Variants in THSD4 observed in about 807,000 individuals in gnomAD.
THSD4 encodes thrombospondin type 1 domain containing 4.
THSD4 carries 69 observed loss-of-function variants against 119.0 expected under a neutral mutation model. The observed-to-expected ratio is 0.58, with a 90% CI of 0.48 to 0.71. The LOEUF (loss-of-function observed/expected upper bound fraction) is 0.71. Ranked by LOEUF, THSD4 falls within the 30% of genes least tolerant of loss-of-function variation. The pLI is 0.00. For synonymous variants in THSD4, 524 were observed against 540.4 expected (o/e 0.97, Z 0.42); for missense variants, 1,393 against 1,391.1 (o/e 1.00, Z -0.02).
intron 7 of THSD4, among the ~76,000 whole-genome samples, chr15:71,634,253 A>T (rs1168482660): frequency 6.6e-6 from 1 of 151,802 alleles, no homozygotes. Flanking sequence ...GGTTGCTGTG[A>T]GGATTAGGTG....
At chr15:71,756,762 G>T (rs2053546534) in intron 14 of THSD4, among the ~76,000 whole-genome samples, 1 of 152,138 alleles carries the variant, frequency 6.6e-6, no homozygotes, top group African/African-American at 2.4e-5. Context: ...ATCCTATCTG[G>T]GTGACAAAGC....
rs542625260 is a variant in THSD4, at chr15:71,589,537, T to G, written c.1153-70993T>G. On this transcript the variant is annotated intron_variant, in intron 7 of 17. Transcript: ENST00000261862. Reference sequence around the variant, plus strand: ...TGCCCAGCTAACTTTTTAACTTTTTTTGGTAGAGATGGGGCCCCATGTGTC... The same window carrying G: ...TGCCCAGCTAACTTTTTAACTTTTTGTGGTAGAGATGGGGCCCCATGTGTC... Among the ~76,000 whole-genome samples, 18 of 137,996 alleles carry G rather than the reference T, an allele frequency of 1.3e-4. 4 individuals carry two copies. Among genetic ancestry groups the G allele is most frequent in the African/African-American group, 4.5e-4 (18 of 39,596 alleles). 90.5% of individuals were successfully genotyped at this position (137,996 alleles called of 152,430 possible).
intron 11 of THSD4, among the ~76,000 whole-genome samples, chr15:71,738,629 G>A (rs1349552351): frequency 2.0e-5 from 3 of 152,222 alleles, no homozygotes; most frequent in Non-Finnish European, 2.9e-5. Context: ...GCCTCCAGCA[G>A]AGTCACACAG....
At chr15:71,737,103 GGT>G (rs1235621693) in intron 10 of THSD4, among the ~76,000 whole-genome samples, 1 of 152,180 alleles carries the variant, frequency 6.6e-6, no homozygotes, top group African/African-American at 2.4e-5. Flanking sequence ...CAGTACCACT[GGT>G]GAACATTTGT....
chr15:71,357,617 A>G (rs2045836658), intron 6 of THSD4, among the ~76,000 whole-genome samples: 1 of 152,098 alleles, frequency 6.6e-6, no homozygotes, highest in Non-Finnish European at 1.5e-5. Context: ...TGCAGTTTTA[A>G]TAGGGGCAGG....
chr15:71,456,839 C>T (rs1028399139), intron 7 of THSD4, among the ~76,000 whole-genome samples: 2 of 152,172 alleles, frequency 1.3e-5, no homozygotes, highest in Non-Finnish European at 2.9e-5. Flanking sequence ...CCTTCTTTAA[C>T]AAACCAGTGT....
intron 7 of THSD4, among the ~76,000 whole-genome samples, chr15:71,650,206 C>G (rs1055431709): frequency 1.2e-4 from 19 of 152,178 alleles, no homozygotes; most frequent in Non-Finnish European, 2.8e-4. Context: ...TGGCTGTTCT[C>G]ACGCTGCAAC....
chr15:71,491,200 A>G (rs2047913478), intron 7 of THSD4, among the ~76,000 whole-genome samples: 1 of 152,218 alleles, frequency 6.6e-6, no homozygotes, highest in Non-Finnish European at 1.5e-5. Context: ...CACCCTTGAC[A>G]ACACTGGGTA....
intron 7 of THSD4, among the ~76,000 whole-genome samples, chr15:71,435,775 A>C (rs1423529901): frequency 1.3e-5 from 2 of 152,180 alleles, no homozygotes; most frequent in Non-Finnish European, 2.9e-5. Flanking sequence ...CAGACCTGCC[A>C]ACCTGTGACG....
intron 8 of THSD4, among the ~76,000 whole-genome samples, chr15:71,664,171 A>G (rs925470904): frequency 6.6e-6 from 1 of 151,882 alleles, no homozygotes; most frequent in Non-Finnish European, 1.5e-5. Flanking sequence ...TTTAGTAGAG[A>G]TGGGGTTTCA....
intron 7 of THSD4, among the ~76,000 whole-genome samples, chr15:71,519,868 G>A (rs1173411651): frequency 1.3e-5 from 2 of 152,196 alleles, no homozygotes; most frequent in East Asian, 1.9e-4. Flanking sequence ...CCCTGGGTGT[G>A]AGGAGTGATC....
At chr15:71,305,678 C>A (rs966192579) in intron 6 of THSD4, among the ~76,000 whole-genome samples, 1 of 152,212 alleles carries the variant, frequency 6.6e-6, no homozygotes, top group Non-Finnish European at 1.5e-5. Context: ...TAGCTCTTAT[C>A]ACCCTTCCTA....
intron 7 of THSD4, among the ~76,000 whole-genome samples, chr15:71,480,469 GT>G (rs1476443678): frequency 1.3e-5 from 2 of 152,152 alleles, no homozygotes; most frequent in Non-Finnish European, 2.9e-5. Flanking sequence ...TGAAATTTAA[GT>G]TGTATATCTG....
chr15:71,747,863 G>A (rs2053369253), intron 13 of THSD4, among the ~76,000 whole-genome samples: 2 of 152,188 alleles, frequency 1.3e-5, no homozygotes, highest in South Asian at 4.1e-4. Flanking sequence ...CTCTAAACAG[G>A]ATGTAAGCCA....
At chr15:71,413,185 G>A (rs1393241489) in intron 7 of THSD4, among the ~76,000 whole-genome samples, 1 of 151,980 alleles carries the variant, frequency 6.6e-6, no homozygotes, top group East Asian at 1.9e-4. Flanking sequence ...CTAATTTTTT[G>A]TATTTTTAAT....
chr15:71,139,039 A>G (rs1159420818), intron 1 of THSD4, among the ~76,000 whole-genome samples: 1 of 151,062 alleles, frequency 6.6e-6, no homozygotes, highest in Non-Finnish European at 1.5e-5. Flanking sequence ...ATAAATGTGA[A>G]TGCTAGCCTC....
At chr15:71,585,773 A>T (rs998763335) in intron 7 of THSD4, among the ~76,000 whole-genome samples, 1 of 151,744 alleles carries the variant, frequency 6.6e-6, no homozygotes, top group African/African-American at 2.4e-5. Context: ...ACACTTGTTT[A>T]TTCTTTTTGT....
At chr15:71,272,577 G>C (rs532279549) in intron 6 of THSD4, among the ~76,000 whole-genome samples, 221 of 152,084 alleles carry the variant, frequency 1.5e-3, no homozygotes, top group African/African-American at 4.5e-3. Context: ...TCTCATGCCT[G>C]TTAGAATGGC....
intron 8 of THSD4, among the ~76,000 whole-genome samples, chr15:71,676,686 C>A (rs1363460684): frequency 6.6e-6 from 1 of 152,204 alleles, no homozygotes; most frequent in Non-Finnish European, 1.5e-5. Context: ...CATGCACTGA[C>A]CTATTCTAGG....
Sources: allele counts gnomAD v4.1 joint callset (sites outside exome capture counted in the v4.1 genomes callset), GRCh38; gene constraint gnomAD v4.1.1; transcripts MANE v1.5; gene names NCBI Gene and HGNC (gene_info 2026-07-23, HGNC 2026-07-21).